The following ZC3H18 variants were observed in gnomAD, a reference collection of about 807,000 sequenced individuals.
ZC3H18 encodes the protein zinc finger CCCH domain-containing protein 18.
Under a neutral mutation model 106.1 loss-of-function variants are expected in ZC3H18, and 8 were observed. That is an observed-to-expected ratio of 0.08 (90% CI 0.04 to 0.14). The LOEUF is 0.14. Among genes scored for constraint, ZC3H18 ranks in the 10% least tolerant of loss-of-function variants. The pLI, the probability that ZC3H18 is intolerant of heterozygous loss-of-function variation, is 1.00. For synonymous variants in ZC3H18, 635 were observed against 522.1 expected (o/e 1.22, Z -2.95); for missense variants, 1,318 against 1,278.4 (o/e 1.03, Z -0.47).
intron 3 of ZC3H18, 116 bp from the exon 4 acceptor site, chr16:88,598,062 C>T (rs1406309851): frequency 2.6e-6 from 2 of 769,034 alleles, no homozygotes; most frequent in Non-Finnish European, 2.0e-6. Flanking sequence ...CTGTGTGGCT[C>T]GCCATCAGGC....
At chr16:88,588,567 G>A (rs184614263) in intron 3 of ZC3H18, among the ~76,000 whole-genome samples, 1 of 152,186 alleles carries the variant, frequency 6.6e-6, no homozygotes, top group Admixed American at 6.5e-5. Context: ...TGCACATCAC[G>A]TGGGTTGGTC....
At chr16:88,586,313 G>A (rs1915427344) in intron 2 of ZC3H18, among the ~76,000 whole-genome samples, 1 of 152,194 alleles carries the variant, frequency 6.6e-6, no homozygotes, top group Non-Finnish European at 1.5e-5. Flanking sequence ...TTCCTGCCCA[G>A]AGTTGATAGT....
chr16:88,612,981 T>C (rs1905357473), intron 8 of ZC3H18, among the ~76,000 whole-genome samples: 1 of 152,082 alleles, frequency 6.6e-6, no homozygotes, highest in Non-Finnish European at 1.5e-5. Flanking sequence ...CTAGCCTGGG[T>C]AATAGAGCAA....
Position 88,586,632 on chromosome 16 carries a change from C to T in ZC3H18, c.636C>T (p.Asp212=), listed in dbSNP as rs774016470. 3 of 1,614,170 alleles carry T rather than the reference C, an allele frequency of 1.9e-6. No homozygotes were observed. Among genetic ancestry groups the T allele is most frequent in the South Asian group, 2.2e-5 (2 of 91,084 alleles). ...DDDLEEGEVK[D]PSDRKVRPRP... ...ACCTGGAAGAAGGTGAAGTGAAGGA[C>T]CCCAGTGACAGGAAGGTGAGGCCTC... The change falls in exon 3 of 18, where the codon GAC becomes GAT. Residue 212 remains aspartate (D), a synonymous_variant. Transcript: ENST00000301011.
intron 13 of ZC3H18, 91 bp downstream of exon 13, chr16:88,625,358 A>G (rs1906238416): frequency 6.7e-7 from 1 of 1,501,620 alleles, no homozygotes; most frequent in Non-Finnish European, 9.1e-7. Flanking sequence ...GCTGTCTCCC[A>G]CAGGTGGGCT....
chr16:88,612,502 T>TAAA (rs759451397), intron 8 of ZC3H18, among the ~76,000 whole-genome samples: 2 of 132,934 alleles, frequency 1.5e-5, no homozygotes, highest in Non-Finnish European at 3.3e-5. Flanking sequence ...CATCTCTATT[T>TAAA]AAAAAAAAAA....
chr16:88,622,462 G>A, intron 9 of ZC3H18, 74 bp downstream of exon 9: 1 of 1,464,312 alleles, frequency 6.8e-7, no homozygotes, highest in Non-Finnish European at 9.1e-7. Context: ...ACCTCACTGG[G>A]TCAGGTGGGG....
At chr16:88,586,237 T>G (rs181025518) in intron 2 of ZC3H18, among the ~76,000 whole-genome samples, 150 of 152,354 alleles carry the variant, frequency 9.8e-4, no homozygotes, top group Middle Eastern at 3.4e-3. Flanking sequence ...TTAAGGGACA[T>G]AAAATATTTT....
At chr16:88,617,269 G>T (rs1905672908) in intron 8 of ZC3H18, among the ~76,000 whole-genome samples, 2 of 90,412 alleles carry the variant, frequency 2.2e-5, no homozygotes, top group Admixed American at 1.4e-4. Context: ...TCTCTGGCAG[G>T]GCTTCTTGAC....
At chr16:88,573,236 G>A (rs749666203) in intron 1 of ZC3H18, among the ~76,000 whole-genome samples, 9 of 152,034 alleles carry the variant, frequency 5.9e-5, no homozygotes, top group Non-Finnish European at 1.2e-4. Flanking sequence ...CAGGCGCTCC[G>A]CTTAGGCAGC....
intron 16 of ZC3H18, among the ~76,000 whole-genome samples, chr16:88,629,300 C>T (rs1906516567): frequency 6.6e-6 from 1 of 152,178 alleles, no homozygotes; most frequent in Non-Finnish European, 1.5e-5. Context: ...CATGGTGAAA[C>T]CCTGTTTCTA....
intron 2 of ZC3H18, among the ~76,000 whole-genome samples, chr16:88,578,045 A>G (rs774353340): frequency 2.4e-4 from 36 of 152,306 alleles, no homozygotes; most frequent in Admixed American, 2.0e-4. Context: ...ATGAAGGGTT[A>G]ATGTCTGTCC....
intron 2 of ZC3H18, among the ~76,000 whole-genome samples, chr16:88,584,674 A>G (rs1915332874): frequency 6.6e-6 from 1 of 152,154 alleles, no homozygotes; most frequent in African/African-American, 2.4e-5. Flanking sequence ...GGTTGAAATG[A>G]TGTCTCGCAC....
intron 10 of ZC3H18, 101 bp downstream of exon 10, chr16:88,623,445 T>G: frequency 6.8e-7 from 1 of 1,471,892 alleles, no homozygotes; most frequent in Non-Finnish European, 9.1e-7. Context: ...CTTGGGGTAT[T>G]GAAGGTCCCT....
intron 11 of ZC3H18, 34 bp downstream of exon 11, chr16:88,624,096 G>A: frequency 6.2e-7 from 1 of 1,604,310 alleles, no homozygotes; most frequent in Non-Finnish European, 8.5e-7. Flanking sequence ...GTCCTGGCCG[G>A]CCAGGCCTCC....
chr16:88,618,442 C>G (rs1433319197), intron 8 of ZC3H18, among the ~76,000 whole-genome samples: 1 of 152,220 alleles, frequency 6.6e-6, no homozygotes, highest in African/African-American at 2.4e-5. Context: ...ATGCTTAGCT[C>G]TTTTGATTGA....
intron 3 of ZC3H18, among the ~76,000 whole-genome samples, chr16:88,595,572 C>T (rs55794976): frequency 0.044 from 6,527 of 150,034 alleles, 186 homozygotes; most frequent in Middle Eastern, 0.083. Flanking sequence ...TTTGGGAGGC[C>T]GAGGTGGGCG....
At chr16:88,594,707 G>C (rs944039792) in intron 3 of ZC3H18, among the ~76,000 whole-genome samples, 1 of 152,314 alleles carries the variant, frequency 6.6e-6, no homozygotes, top group East Asian at 1.9e-4. Context: ...TCTGGGAATG[G>C]CCCTGGAGGC....
chr16:88,609,217 C>A, intron 7 of ZC3H18, 166 bp downstream of exon 7: 1 of 460,974 alleles, frequency 2.2e-6, no homozygotes, highest in Non-Finnish European at 3.8e-6. Flanking sequence ...AATTCAGAGG[C>A]AGCGATTACA....
Sources: gnomAD v4.1 joint callset for allele counts (sites outside exome capture counted in the v4.1 genomes callset) on GRCh38, gnomAD v4.1.1 for gene constraint, MANE v1.5 for transcripts, NCBI Gene and HGNC (gene_info 2026-07-23, HGNC 2026-07-21) for gene names.